PELI1: variants seen among roughly 807,000 people sequenced by gnomAD.
PELI1 encodes the protein pellino E3 ubiquitin protein ligase 1.
Under a neutral mutation model 41.3 loss-of-function variants are expected in PELI1, and 15 were observed. That is an observed-to-expected ratio of 0.36 (90% CI 0.24 to 0.56). The LOEUF (loss-of-function observed/expected upper bound fraction) is 0.56, where lower values mean the gene tolerates loss of function less well. Ranked by LOEUF, PELI1 falls within the 20% of genes least tolerant of loss-of-function variation. The probability of loss-of-function intolerance (pLI) is 0.82; values close to 1 mark genes in which losing one functional copy is unlikely to be tolerated. For synonymous variants in PELI1, 178 were observed against 180.1 expected (o/e 0.99, Z 0.09); for missense variants, 403 against 525.5 (o/e 0.77, Z 2.28).
At chr2:64,108,206 A>C in intron 2 of PELI1, 34 bp downstream of exon 2, 6 of 1,242,748 alleles carry the variant, frequency 4.8e-6, no homozygotes, top group Non-Finnish European at 7.1e-6. Flanking sequence ...ATATATTATT[A>C]AACTGTGTGT....
chr2:64,117,870 A>C (rs1437652435), intron 1 of PELI1, among the ~76,000 whole-genome samples: 1 of 151,126 alleles, frequency 6.6e-6, no homozygotes. Flanking sequence ...AGTGGAGTGG[A>C]GCGATCTCAG....
intron 1 of PELI1, among the ~76,000 whole-genome samples, chr2:64,140,561 T>C (rs1681868674): frequency 6.6e-6 from 1 of 151,950 alleles, no homozygotes; most frequent in African/African-American, 2.4e-5. Flanking sequence ...GTAAGCTAAC[T>C]GAAAGACTCC....
intron 1 of PELI1, among the ~76,000 whole-genome samples, chr2:64,109,000 T>G (rs955668557): frequency 6.6e-6 from 1 of 152,216 alleles, no homozygotes; most frequent in Non-Finnish European, 1.5e-5. Flanking sequence ...GAGCCTTGAC[T>G]TCCAGCTCAT....
intron 1 of PELI1, among the ~76,000 whole-genome samples, chr2:64,114,868 T>G (rs1351229316): frequency 1.3e-5 from 2 of 152,204 alleles, no homozygotes; most frequent in Non-Finnish European, 2.9e-5. Flanking sequence ...GAACCACTGC[T>G]CTAATCTTGA....
At chr2:64,131,196 T>C (rs914351116) in intron 1 of PELI1, among the ~76,000 whole-genome samples, 2 of 151,604 alleles carry the variant, frequency 1.3e-5, no homozygotes, top group African/African-American at 4.9e-5. Flanking sequence ...CTAAAGCTAA[T>C]AGGAAAATTA....
rs765729208 is a variant in PELI1 at position 64,108,257 on chromosome 2, A to G, written c.54T>C (p.Gly18=). The G allele has an allele frequency of 6.3e-7, 1 of 1,584,800 alleles. No individual in the cohort carries two copies. Among genetic ancestry groups the G allele is most frequent in the Non-Finnish European group, 8.7e-7 (1 of 1,153,318 alleles). ...AACCTTACCCTAAGACAATGAGTTC[A>G]CCATATTTTACTGGTGCTTTAGATG... ...NHPSKAPVKY[G]ELIVLGYNGS... Residue 18 remains glycine (G), a synonymous_variant, in exon 2 of 7, where the codon GGT becomes GGC. Transcript: ENST00000358912.
intron 1 of PELI1, among the ~76,000 whole-genome samples, chr2:64,112,061 T>C (rs1454712277): frequency 6.6e-6 from 1 of 152,170 alleles, no homozygotes; most frequent in Non-Finnish European, 1.5e-5. Context: ...ATTTAAAGGA[T>C]ATAATGGTTT....
intron 1 of PELI1, among the ~76,000 whole-genome samples, chr2:64,134,685 T>C (rs1430264617): frequency 2.6e-5 from 4 of 152,152 alleles, no homozygotes; most frequent in Non-Finnish European, 4.4e-5. Flanking sequence ...ATGCTAACTG[T>C]AGTCTAAATT....
chr2:64,124,156 G>A (rs1681311997), intron 1 of PELI1, among the ~76,000 whole-genome samples: 1 of 152,132 alleles, frequency 6.6e-6, no homozygotes, highest in Non-Finnish European at 1.5e-5. Context: ...GAGAAAATAG[G>A]AAATTGGGGA....
chr2:64,110,247 GA>G (rs796716135), intron 1 of PELI1, among the ~76,000 whole-genome samples: 20,555 of 100,306 alleles, frequency 0.2, 1,672 homozygotes, highest in East Asian at 0.62. Flanking sequence ...TCCGTCTCAA[GA>G]AAAAAAAAAA....
chr2:64,104,945 A>G (rs1680573099), intron 2 of PELI1, 115 bp from the exon 3 acceptor site: 2 of 792,568 alleles, frequency 2.5e-6, no homozygotes, highest in African/African-American at 3.5e-5. Context: ...TTAACACATT[A>G]TAATTATTTA....
chr2:64,141,080 C>G (rs1304752111), intron 1 of PELI1, among the ~76,000 whole-genome samples: 2 of 152,146 alleles, frequency 1.3e-5, no homozygotes, highest in Non-Finnish European at 2.9e-5. Context: ...GGCTAGAAAT[C>G]TATAAACAGA....
At chr2:64,104,618 G>C (rs1680557401) in intron 3 of PELI1, 83 bp downstream of exon 3, 1 of 1,410,042 alleles carries the variant, frequency 7.1e-7, no homozygotes, top group Non-Finnish European at 9.3e-7. Context: ...AATGTAAGGG[G>C]AATGCTAGAG....
Position 64,096,186 on chromosome 2 carries a change from G to A in PELI1, c.629C>T (p.Ser210Leu), listed in dbSNP as rs1680228256. 3 of 1,613,840 alleles carry A rather than the reference G, an allele frequency of 1.9e-6. No homozygotes were observed. Among genetic ancestry groups the A allele is most frequent in the Non-Finnish European group, 1.7e-6 (2 of 1,179,890 alleles). The change falls in exon 6 of 7, where the codon TCG becomes TTG. Residue 210 changes from serine (S) to leucine (L), a missense_variant. Physicochemically the swap from Ser to Leu is moderately radical, Grantham distance 145 (BLOSUM62 -2). Coordinates refer to ENST00000358912, the MANE Select transcript of PELI1 (RefSeq NM_020651.4). ...DSKPGIWREISVCGNVFSLRE... is the reference protein window; with the variant it reads ...DSKPGIWREILVCGNVFSLRE... Reference sequence around the variant, plus strand: ...TAGGCTAAATACATTTCCACACACCGATATTTCTCTCCATATTCCAGGCTT... The same window carrying A: ...TAGGCTAAATACATTTCCACACACCAATATTTCTCTCCATATTCCAGGCTT...
chr2:64,117,507 T>A (rs1019758748), intron 1 of PELI1, among the ~76,000 whole-genome samples: 12 of 152,306 alleles, frequency 7.9e-5, no homozygotes, highest in South Asian at 6.2e-4. Flanking sequence ...ATAGAGCATA[T>A]ATTCTCTGCT....
chr2:64,108,281 T>C lies in PELI1; in HGVS notation c.30A>G (p.Pro10=). MFSPDQENH[P]SKAPVKYGEL... ...CACCATATTTTACTGGTGCTTTAGATGGATGATTTTCTTGATCAGGAGAAA... is the reference window on the plus strand; with the variant it reads ...CACCATATTTTACTGGTGCTTTAGACGGATGATTTTCTTGATCAGGAGAAA... Residue 10 remains proline, a synonymous_variant, in exon 2 of 7, where the codon CCA becomes CCG. Coordinates refer to ENST00000358912, the MANE Select transcript of PELI1 (RefSeq NM_020651.4). 1 of 1,607,376 alleles carries C rather than the reference T, an allele frequency of 6.2e-7. No homozygotes were observed. Among genetic ancestry groups the C allele is most frequent in the Non-Finnish European group, 8.5e-7 (1 of 1,173,908 alleles).
chr2:64,116,412 A>T (rs1363497895), intron 1 of PELI1, among the ~76,000 whole-genome samples: 4 of 152,228 alleles, frequency 2.6e-5, no homozygotes, highest in Non-Finnish European at 5.9e-5. Flanking sequence ...TGCATAAAGC[A>T]GCAAATTCAG....
At chr2:64,096,886 G>C (rs1680257529) in intron 4 of PELI1, among the ~76,000 whole-genome samples, 1 of 152,192 alleles carries the variant, frequency 6.6e-6, no homozygotes, top group Non-Finnish European at 1.5e-5. Flanking sequence ...GAGATTTCTA[G>C]ATGGCTGCAG....
chr2:64,117,221 T>A (rs757006067), intron 1 of PELI1, among the ~76,000 whole-genome samples: 4 of 152,242 alleles, frequency 2.6e-5, no homozygotes, highest in Non-Finnish European at 4.4e-5. Flanking sequence ...GCTTGATTTA[T>A]GGTGATGCTG....
Sources: gnomAD v4.1 joint callset for allele counts (sites outside exome capture counted in the v4.1 genomes callset) on GRCh38, gnomAD v4.1.1 for gene constraint, MANE v1.5 for transcripts, NCBI Gene and HGNC (gene_info 2026-07-23, HGNC 2026-07-21) for gene names.